CTNNA2: variants seen among roughly 807,000 people sequenced by gnomAD.
CTNNA2 encodes catenin alpha 2.
A neutral mutation model predicts 101.0 loss-of-function variants in CTNNA2; 42 were observed. The observed-to-expected ratio is 0.42, with a 90% CI of 0.32 to 0.54. The LOEUF is 0.54. Among genes scored for constraint, CTNNA2 ranks in the 20% least tolerant of loss-of-function variants. The probability of loss-of-function intolerance (pLI) is 0.14; values close to 1 mark genes in which losing one functional copy is unlikely to be tolerated. For missense variants in CTNNA2, 871 were observed against 1,223.1 expected, an observed-to-expected ratio of 0.71 and a Z score of 4.29; for synonymous variants, 450 against 456.4, an observed-to-expected ratio of 0.99 and a Z score of 0.18.
chr2:80,178,700 T>G (rs1705558207), intron 7 of CTNNA2, among the ~76,000 whole-genome samples: 1 of 152,202 alleles, frequency 6.6e-6, no homozygotes, highest in Admixed American at 6.5e-5. Flanking sequence ...AGGAATGTGT[T>G]GCCTCCAAAA....
chr2:80,327,358 G>A (rs1204045038), intron 7 of CTNNA2, among the ~76,000 whole-genome samples: 1 of 152,148 alleles, frequency 6.6e-6, no homozygotes, highest in African/African-American at 2.4e-5. Context: ...TGGATTTGGT[G>A]GTCTGCAAAT....
At chr2:79,722,603 G>A (rs758858332) in intron 2 of CTNNA2, among the ~76,000 whole-genome samples, 6 of 152,070 alleles carry the variant, frequency 3.9e-5, no homozygotes, top group Non-Finnish European at 7.4e-5. Context: ...CTTCTATTCT[G>A]TCTCACAGTA....
At chr2:80,331,038 T>C (rs1671276280) in intron 7 of CTNNA2, among the ~76,000 whole-genome samples, 1 of 138,000 alleles carries the variant, frequency 7.2e-6, no homozygotes, top group Admixed American at 7.2e-5. Flanking sequence ...TTTTTTTTTT[T>C]TCCTTCCCCG....
intron 4 of CTNNA2, among the ~76,000 whole-genome samples, chr2:79,490,103 C>T (rs996470424): frequency 1.3e-5 from 2 of 152,172 alleles, no homozygotes; most frequent in Non-Finnish European, 2.9e-5. Context: ...TTCAGTATTT[C>T]CATCCACTCT....
chr2:80,006,809 C>T lies in CTNNA2; in HGVS notation c.1056+97012C>T, dbSNP rs114470115. ...AAATGTCTGTTTCCCATTAATTGCG[C>T]TACCTCCTTGCCTTCCTTATATTTT... On this transcript the variant is annotated intron_variant, in intron 7 of 18. Coordinates refer to ENST00000402739, the MANE Select transcript of CTNNA2 (RefSeq NM_001282597.3). 7.9e-3 allele frequency among the ~76,000 whole-genome samples: 1,208 copies of T among 152,210 alleles called. 18 individuals carry two copies. Among genetic ancestry groups the T allele is most frequent in the African/African-American group, 0.027 (1,141 of 41,516 alleles).
intron 11 of CTNNA2, among the ~76,000 whole-genome samples, chr2:80,547,984 G>A (rs534993594): frequency 1.1e-4 from 17 of 152,200 alleles, no homozygotes; most frequent in East Asian, 7.7e-4. Flanking sequence ...GAGCCATCGC[G>A]CCCAGCCCAT....
intron 7 of CTNNA2, among the ~76,000 whole-genome samples, chr2:80,374,151 G>A (rs1675706424): frequency 6.6e-6 from 1 of 152,108 alleles, no homozygotes; most frequent in African/African-American, 2.4e-5. Context: ...TGAAGTTCGA[G>A]GTGCAGGTCC....
At chr2:80,286,247 C>G (rs1674758144) in intron 7 of CTNNA2, among the ~76,000 whole-genome samples, 1 of 152,136 alleles carries the variant, frequency 6.6e-6, no homozygotes, top group Admixed American at 6.5e-5. Context: ...CGTACCCATT[C>G]CCCTATGGAG....
chr2:80,529,935 G>A (rs1206512460), intron 9 of CTNNA2, among the ~76,000 whole-genome samples: 1 of 152,106 alleles, frequency 6.6e-6, no homozygotes, highest in African/African-American at 2.4e-5. Context: ...GGCTTGGCCT[G>A]CTCCTACGGG....
intron 7 of CTNNA2, among the ~76,000 whole-genome samples, chr2:79,945,930 G>C (rs570533399): frequency 6.6e-6 from 1 of 152,146 alleles, no homozygotes; most frequent in Non-Finnish European, 1.5e-5. Context: ...TATGGGAGCA[G>C]AAAACATGGG....
intron 2 of CTNNA2, among the ~76,000 whole-genome samples, chr2:79,285,126 T>C (rs1230503908): frequency 2.0e-5 from 3 of 150,884 alleles, no homozygotes; most frequent in Non-Finnish European, 4.4e-5. Context: ...TCATTTTTTA[T>C]TGTGTCTATT....
chr2:80,469,503 G>A (rs139519490), intron 9 of CTNNA2, among the ~76,000 whole-genome samples: 2 of 152,338 alleles, frequency 1.3e-5, no homozygotes, highest in African/African-American at 4.8e-5. Flanking sequence ...CCACAAGTTG[G>A]ATAGAGCAGC....
At chr2:80,548,408 G>A (rs1692280091) in intron 11 of CTNNA2, among the ~76,000 whole-genome samples, 1 of 152,162 alleles carries the variant, frequency 6.6e-6, no homozygotes, top group Non-Finnish European at 1.5e-5. Context: ...GTGGGGACAA[G>A]CAAGGTGAGG....
intron 7 of CTNNA2, among the ~76,000 whole-genome samples, chr2:80,098,417 C>A (rs954488977): frequency 2.0e-5 from 3 of 152,138 alleles, no homozygotes; most frequent in African/African-American, 7.2e-5. Context: ...TCCGCCCCCA[C>A]GGGGGGGTTG....
rs749706280 is a variant in CTNNA2 at position 80,279,444 on chromosome 2, G to A, written c.1057-113767G>A. Among the ~76,000 whole-genome samples, 93 of 152,060 alleles carry A rather than the reference G, an allele frequency of 6.1e-4. 1 individual carries two copies. Among genetic ancestry groups the A allele is most frequent in the Admixed American group, 3.5e-3 (53 of 15,240 alleles). ...TTTTCCAAGTGATCATAGAAAAACC[G>A]TTTTTCTTTTACATCTGTTTAATGA... On this transcript the variant is annotated intron_variant, in intron 7 of 18. Coordinates refer to ENST00000402739, the MANE Select transcript of CTNNA2 (RefSeq NM_001282597.3).
intron 2 of CTNNA2, among the ~76,000 whole-genome samples, chr2:79,211,085 G>C (rs928645946): frequency 2.6e-5 from 4 of 152,052 alleles, no homozygotes; most frequent in Admixed American, 6.6e-5. Flanking sequence ...TCAATTTCTA[G>C]GTCTTACATT....
At chr2:79,202,335 ATT>A (rs1247762378) in intron 2 of CTNNA2, among the ~76,000 whole-genome samples, 6 of 113,754 alleles carry the variant, frequency 5.3e-5, no homozygotes, top group Non-Finnish European at 1.9e-5. Flanking sequence ...TTGTTTTTTT[ATT>A]TTTTTTATTT....
At position 79,215,484 on chromosome 2, in the gene CTNNA2, T is replaced by C. The variant is rs1674243055; in HGVS notation, c.-406+17408T>C. 2.0e-5 allele frequency among the ~76,000 whole-genome samples: 3 copies of C among 152,018 alleles called. No individual in the cohort carries two copies. The South Asian group carries it at 6.2e-4, about 32-fold the overall frequency. On this transcript the variant is annotated intron_variant, in intron 2 of 21. Transcript: ENST00000466387. Reference sequence around the variant, plus strand: ...AGGTTAATTAAGTCCTGTTGTGGGGTTTGAGGGCTGGAATTTAATTTTTGG... The same window carrying C: ...AGGTTAATTAAGTCCTGTTGTGGGGCTTGAGGGCTGGAATTTAATTTTTGG...
At chr2:79,723,664 T>G (rs1011610951) in intron 2 of CTNNA2, among the ~76,000 whole-genome samples, 3 of 152,166 alleles carry the variant, frequency 2.0e-5, no homozygotes, top group Non-Finnish European at 4.4e-5. Context: ...AGCTCTACCT[T>G]ATAGATTAGG....
Sources: gnomAD v4.1 joint callset for allele counts (sites outside exome capture counted in the v4.1 genomes callset) on GRCh38, gnomAD v4.1.1 for gene constraint, MANE v1.5 for transcripts, NCBI Gene and HGNC (gene_info 2026-07-23, HGNC 2026-07-21) for gene names.